The following PDE1A variants were observed in gnomAD, a reference collection of about 807,000 sequenced individuals.
The protein encoded by PDE1A is dual specificity calcium/calmodulin-dependent 3',5'-cyclic nucleotide phosphodiesterase 1A.
PDE1A carries 35 observed loss-of-function variants against 61.7 expected under a neutral mutation model. That is an observed-to-expected ratio of 0.57 (90% CI 0.43 to 0.75). The LOEUF (loss-of-function observed/expected upper bound fraction) is 0.75. Among genes scored for constraint, PDE1A ranks in the 30% least tolerant of loss-of-function variants. The pLI is 0.00. For missense variants in PDE1A, 597 were observed against 630.6 expected, an observed-to-expected ratio of 0.95 and a Z score of 0.57; for synonymous variants, 232 against 213.2, an observed-to-expected ratio of 1.09 and a Z score of -0.77.
At chr2:182,484,571 C>G (rs1435233886) in intron 2 of PDE1A, among the ~76,000 whole-genome samples, 3 of 151,844 alleles carry the variant, frequency 2.0e-5, no homozygotes, top group East Asian at 1.9e-4. Context: ...ACAGAGTAAA[C>G]AGACAACCTA....
At chr2:182,167,268 A>C (rs1691699315), downstream of PDE1A, among the ~76,000 whole-genome samples, 2 of 152,146 alleles carry the variant, frequency 1.3e-5, no homozygotes. Context: ...TTTATAGCCC[A>C]CACCACTACA....
At chr2:182,261,323 T>TATTAGTAA (rs1172114745) in intron 2 of PDE1A, among the ~76,000 whole-genome samples, 1 of 152,174 alleles carries the variant, frequency 6.6e-6, no homozygotes, top group East Asian at 1.9e-4. Context: ...GAGCTTTAAT[T>TATTAGTAA]ATCTCATTAG....
At chr2:182,516,256 G>T (rs1690141227) in intron 2 of PDE1A, among the ~76,000 whole-genome samples, 1 of 152,018 alleles carries the variant, frequency 6.6e-6, no homozygotes, top group Non-Finnish European at 1.5e-5. Context: ...GTTGCCCTTG[G>T]CTCGTGGCCC....
rs558980541 is a variant in PDE1A, at chr2:182,454,826, C to T, written c.101+67450G>A. On this transcript the variant is annotated intron_variant, in intron 2 of 14. Transcript: ENST00000410103. ...AAAACCATAAAAACCCAGAAGAAAA[C>T]CTAGGCAATACGATTGAGGACATAG... Among the ~76,000 whole-genome samples, 3 of 151,570 alleles carry T rather than the reference C, an allele frequency of 2.0e-5. No individual in the cohort carries two copies. In the East Asian group the frequency reaches 5.8e-4, roughly 29 times the overall value.
chr2:182,458,544 T>G (rs1459085896), intron 2 of PDE1A, among the ~76,000 whole-genome samples: 1 of 152,052 alleles, frequency 6.6e-6, no homozygotes, highest in African/African-American at 2.4e-5. Context: ...TAGCTGGTGT[T>G]AATTAAATCT....
chr2:182,401,304 G>A (rs1158088556), intron 1 of PDE1A, among the ~76,000 whole-genome samples: 9 of 152,130 alleles, frequency 5.9e-5, no homozygotes, highest in Non-Finnish European at 1.0e-4. Context: ...TCCAGCAGAC[G>A]TCAAAAAGCT....
At chr2:182,471,741 T>C (rs10497603) in intron 2 of PDE1A, among the ~76,000 whole-genome samples, 24,643 of 151,706 alleles carry the variant, frequency 0.16, 2,481 homozygotes, top group Middle Eastern at 0.31. Flanking sequence ...AGCAATACGG[T>C]GGCTAAAAGA....
intron 2 of PDE1A, among the ~76,000 whole-genome samples, chr2:182,246,442 C>T (rs10201929): frequency 0.72 from 97,968 of 135,520 alleles, 35,761 homozygotes; most frequent in African/African-American, 0.84. Flanking sequence ...CTTGCTCCGT[C>T]GCTCAGGCTG....
the PDE1A span, among the ~76,000 whole-genome samples, chr2:182,677,737 CT>C: frequency 1.3e-5 from 2 of 152,176 alleles, no homozygotes; most frequent in Non-Finnish European, 2.9e-5. Flanking sequence ...ACCATCTGAT[CT>C]TTGACAAAGC....
chr2:182,464,480 G>C lies in PDE1A; in HGVS notation c.101+57796C>G, dbSNP rs555473102. Among the ~76,000 whole-genome samples, 12 of 152,224 alleles carry C rather than the reference G, an allele frequency of 7.9e-5. No homozygotes were observed. The East Asian group carries it at 2.3e-3, about 29-fold the overall frequency. On this transcript the variant is annotated intron_variant, in intron 2 of 14. Transcript: ENST00000410103. Reference sequence around the variant, plus strand: ...ACTGACCAAATACCTCTCAGTAGGAGTTTTGGCCACCCTATCTAAAATAGA... The same window carrying C: ...ACTGACCAAATACCTCTCAGTAGGACTTTTGGCCACCCTATCTAAAATAGA...
At chr2:182,440,307 C>T (rs745512506) in intron 2 of PDE1A, among the ~76,000 whole-genome samples, 3 of 151,956 alleles carry the variant, frequency 2.0e-5, no homozygotes, top group African/African-American at 7.2e-5. Context: ...CCAGCTGACC[C>T]GAGGAAGAAA....
chr2:182,146,958 A>G (rs886831364), downstream of PDE1A: 10 of 555,228 alleles, frequency 1.8e-5, no homozygotes, highest in Admixed American at 3.5e-5. Context: ...CATTTAAATA[A>G]GAAAATTTCA....
chr2:182,449,049 TACACACAC>T (rs200893342), intron 2 of PDE1A, among the ~76,000 whole-genome samples: 369 of 90,656 alleles, frequency 4.1e-3, no homozygotes, highest in Middle Eastern at 0.022. Context: ...ATCATACACA[TACACACAC>T]ACACACACAC....
At chr2:182,462,220 G>C (rs895038931) in intron 2 of PDE1A, among the ~76,000 whole-genome samples, 1 of 151,648 alleles carries the variant, frequency 6.6e-6, no homozygotes, top group Non-Finnish European at 1.5e-5. Context: ...CGAGTTAATG[G>C]GTGCAGCACA....
At chr2:182,414,082 A>C (rs1021019799) in intron 1 of PDE1A, among the ~76,000 whole-genome samples, 5 of 152,136 alleles carry the variant, frequency 3.3e-5, no homozygotes. Flanking sequence ...TGTAAATTTG[A>C]GGATCACCTA....
At chr2:182,459,068 T>C (rs1686106878) in intron 2 of PDE1A, among the ~76,000 whole-genome samples, 1 of 152,174 alleles carries the variant, frequency 6.6e-6, no homozygotes, top group Non-Finnish European at 1.5e-5. Flanking sequence ...AAGTATTTTA[T>C]GATTTTAATA....
chr2:182,168,056 G>A (rs1339195287), exon 14 of PDE1A: 1 of 1,288,646 alleles, frequency 7.8e-7, no homozygotes, highest in Non-Finnish European at 9.8e-7. Context: ...TTCGGTAGCA[G>A]TTGAGCCCGG....
intron 2 of PDE1A, among the ~76,000 whole-genome samples, chr2:182,448,133 C>A (rs553910767): frequency 1.2e-4 from 18 of 152,200 alleles, no homozygotes; most frequent in African/African-American, 4.3e-4. Flanking sequence ...TTTTAATTTG[C>A]AAGTCTTTGG....
chr2:182,323,350 T>C (rs1386508566), intron 1 of PDE1A, among the ~76,000 whole-genome samples: 1 of 152,198 alleles, frequency 6.6e-6, no homozygotes, highest in African/African-American at 2.4e-5. Context: ...AATAAGAGAT[T>C]AGCTATTTCT....
Sources: gnomAD v4.1 joint callset for allele counts (sites outside exome capture counted in the v4.1 genomes callset) on GRCh38, gnomAD v4.1.1 for gene constraint, MANE v1.5 for transcripts, NCBI Gene and HGNC (gene_info 2026-07-23, HGNC 2026-07-21) for gene names.